The following GGA2 variants were observed in gnomAD, a reference collection of about 807,000 sequenced individuals.
GGA2 encodes ADP-ribosylation factor-binding protein GGA2.
A neutral mutation model predicts 79.5 loss-of-function variants in GGA2; 48 were observed. The observed-to-expected ratio is 0.60, with a 90% CI of 0.48 to 0.77. The LOEUF (loss-of-function observed/expected upper bound fraction) is 0.77, where lower values mean the gene tolerates loss of function less well. GGA2 is among the 30% of genes least tolerant of loss of function. The probability of loss-of-function intolerance (pLI) is 0.00; values close to 1 mark genes in which losing one functional copy is unlikely to be tolerated. For missense variants in GGA2, 770 were observed against 774.0 expected (o/e 0.99, Z 0.06); for synonymous variants, 317 against 302.0 (o/e 1.05, Z -0.51).
intron 1 of GGA2, among the ~76,000 whole-genome samples, chr16:23,507,905 A>C (rs1188641864): frequency 6.6e-6 from 1 of 152,108 alleles, no homozygotes; most frequent in African/African-American, 2.4e-5. Flanking sequence ...AGCTGCAGTG[A>C]GCTGAGATCA....
chr16:23,475,739 A>G (rs927493915), intron 13 of GGA2, among the ~76,000 whole-genome samples: 1 of 151,098 alleles, frequency 6.6e-6, no homozygotes, highest in Non-Finnish European at 1.5e-5. Context: ...CCCCATCTCT[A>G]CTAAAAATAC....
At chr16:23,495,189 A>G (rs1055654534) in intron 2 of GGA2, among the ~76,000 whole-genome samples, 9 of 152,254 alleles carry the variant, frequency 5.9e-5, no homozygotes, top group Admixed American at 5.9e-4. Flanking sequence ...ACAGAATTCA[A>G]TAAAACCTTC....
intron 1 of GGA2, among the ~76,000 whole-genome samples, chr16:23,520,680 C>T (rs1965134689): frequency 6.6e-6 from 1 of 151,128 alleles, no homozygotes; most frequent in South Asian, 2.1e-4. Flanking sequence ...AAAAGTCTTA[C>T]TGATCCTGAG....
intron 2 of GGA2, among the ~76,000 whole-genome samples, chr16:23,517,238 T>G: frequency 2.3e-4 from 1 of 4,354 alleles, no homozygotes; most frequent in Non-Finnish European, 6.5e-4. Context: ...TTTCTTTTTT[T>G]TTTTTTTTTG....
In GGA2 at chr16:23,488,344, G is replaced by T. The variant is rs148204259; in HGVS notation, c.579+262C>A. Among the ~76,000 whole-genome samples the T allele has an allele frequency of 3.0e-3, 464 of 152,250 alleles. 6 individuals carry two copies. Among genetic ancestry groups the T allele is most frequent in the Middle Eastern group, 0.01 (3 of 294 alleles). ...CCAGATCTACACTGGGGTAAGGCAG[G>T]ATCACAAACAGATCCTACCAAGACC... is the stretch of plus-strand genomic sequence containing the variant. On this transcript the variant is annotated intron_variant, in intron 6 of 16. Coordinates refer to ENST00000309859, the MANE Select transcript of GGA2 (RefSeq NM_015044.4).
rs1964460221 is a variant in GGA2, at chr16:23,467,755, G to A, written c.1732-55C>T. ...TCAGTGGAGAGCAACCCAGGAACAG[G>A]GGTCAATGTTAAGTCAAGTGAGTGT... On this transcript the variant is annotated intron_variant, in intron 16 of 16. Transcript: ENST00000309859. The A allele has an allele frequency of 3.4e-5, 29 of 852,398 alleles. 1 individual carries two copies. The South Asian group carries it at 3.6e-4, about 11-fold the overall frequency. The allele number at this position is 852,398 out of a possible 1,614,324, so 52.8% of individuals were successfully genotyped here. A position where few individuals can be genotyped will look rare whatever the true frequency, so the allele number is the denominator to read the frequency against.
At chr16:23,477,108 C>T (rs1000293426) in intron 13 of GGA2, among the ~76,000 whole-genome samples, 9 of 152,120 alleles carry the variant, frequency 5.9e-5, no homozygotes, top group South Asian at 4.1e-4. Context: ...TGACCTACCA[C>T]GCCTGGCTAA....
At chr16:23,516,416 C>T (rs926127485) in intron 2 of GGA2, among the ~76,000 whole-genome samples, 2 of 152,130 alleles carry the variant, frequency 1.3e-5, no homozygotes, top group African/African-American at 4.8e-5. Context: ...AACCTAGGCC[C>T]TTAGAGGCTG....
rs1292403143 is a variant in GGA2 at position 23,465,520 on chromosome 16, T to C, written c.*2070A>G. 3.0e-6 allele frequency: 2 copies of C among 665,234 alleles called. No homozygotes were observed. Among genetic ancestry groups the C allele is most frequent in the Non-Finnish European group, 5.5e-6 (2 of 366,440 alleles). 41.2% of individuals were successfully genotyped at this position (665,234 alleles called of 1,614,324 possible). ...CATGTGTGAGTTCACCTCCTAACTA[T>C]AGGGGAGAAAGCCTGTCTTTATGTA... On this transcript the variant is annotated 3_prime_UTR_variant, in exon 17 of 17. Transcript: ENST00000309859.
At position 23,465,083 on chromosome 16, in the gene GGA2, A is replaced by C. The variant is rs140903086; in HGVS notation, c.*2507T>G. On this transcript the variant is annotated 3_prime_UTR_variant, in exon 17 of 17. Coordinates refer to ENST00000309859, the MANE Select transcript of GGA2 (RefSeq NM_015044.4). Reference sequence around the variant, plus strand: ...CAGATCTCCAGCACACACATCATGAATTTGCTTCTCCCCAGAGGAAAAGAA... The same window carrying C: ...CAGATCTCCAGCACACACATCATGACTTTGCTTCTCCCCAGAGGAAAAGAA... The C allele has an allele frequency of 1.1e-3, 622 of 550,556 alleles. 1 individual carries two copies. Among genetic ancestry groups the C allele is most frequent in the African/African-American group, 0.01 (554 of 53,130 alleles). 34.1% of individuals were successfully genotyped at this position (550,556 alleles called of 1,614,324 possible). A position where few individuals can be genotyped will look rare whatever the true frequency, so the allele number is the denominator to read the frequency against.
chr16:23,494,958 G>A (rs1307770425), intron 2 of GGA2, among the ~76,000 whole-genome samples: 3 of 151,904 alleles, frequency 2.0e-5, no homozygotes, highest in Non-Finnish European at 4.4e-5. Flanking sequence ...GGAGGCACGC[G>A]CCTGTAATCC....
rs140675835 is a variant in GGA2 at position 23,478,886 on chromosome 16, G to T, written c.1155C>A (p.Gly385=). 51 of 1,603,768 alleles carry T rather than the reference G, an allele frequency of 3.2e-5. 1 individual carries two copies. The highest frequency in any genetic ancestry group is 2.0e-4 in the East Asian group (9 of 44,838). ...ALGISDAPVT[G]MVSGQNCCEE... ...GCCCTGGGAAGGGCATCCTTACCAT[G>T]CCTGTAACAGGAGCATCACTGATTC... The change falls in exon 12 of 17, where the codon GGC becomes GGA. Residue 385 remains glycine, a synonymous_variant. Transcript: ENST00000309859.
At chr16:23,490,847 A>G (rs1023016467) in intron 5 of GGA2, among the ~76,000 whole-genome samples, 3 of 152,176 alleles carry the variant, frequency 2.0e-5, no homozygotes, top group African/African-American at 7.2e-5. Flanking sequence ...TTTTATCACA[A>G]TAGTATTTTT....
At chr16:23,497,928 G>A (rs1162887300) in intron 1 of GGA2, among the ~76,000 whole-genome samples, 1 of 152,198 alleles carries the variant, frequency 6.6e-6, no homozygotes, top group African/African-American at 2.4e-5. Context: ...GAGCCTAGGA[G>A]GTTGAGACCA....
chr16:23,491,306 C>CA (rs35347154), intron 5 of GGA2, among the ~76,000 whole-genome samples: 27,209 of 65,572 alleles, frequency 0.41, 5,443 homozygotes, highest in Non-Finnish European at 0.52. Flanking sequence ...CACCTTGTCT[C>CA]AAAAAAAAAA....
In GGA2 at chr16:23,510,387, C is replaced by A; in HGVS notation, c.25G>T (p.Ala9Ser). The A allele has an allele frequency of 7.1e-7, 1 of 1,398,990 alleles. No individual in the cohort carries two copies. The highest frequency in any genetic ancestry group is 9.3e-7 in the Non-Finnish European group (1 of 1,074,086). The allele number at this position is 1,398,990 out of a possible 1,614,324, so 86.7% of individuals were successfully genotyped here. A position where few individuals can be genotyped will look rare whatever the true frequency, so the allele number is the denominator to read the frequency against. MAATAVAA[A>S]VAGTESAQGP... ...TGGGCCGACTCGGTTCCCGCCACAG[C>A]CGCCGCCACCGCGGTCGCCGCCATC... The change falls in exon 1 of 17, where the codon GCT becomes TCT. Residue 9 changes from alanine to serine, a missense_variant. Ala to Ser is a moderately conservative substitution (Grantham distance 99). Coordinates refer to ENST00000309859, the MANE Select transcript of GGA2 (RefSeq NM_015044.4).
At chr16:23,478,546 C>T (rs972918386) in intron 12 of GGA2, 45 bp from the exon 13 acceptor site, 2 of 1,589,914 alleles carry the variant, frequency 1.3e-6, no homozygotes, top group African/African-American at 1.3e-5. Flanking sequence ...GTATGAATGA[C>T]CATCAGCCAC....
At chr16:23,503,929 A>C (rs1037979763) in intron 1 of GGA2, among the ~76,000 whole-genome samples, 1 of 152,178 alleles carries the variant, frequency 6.6e-6, no homozygotes, top group Non-Finnish European at 1.5e-5. Flanking sequence ...TAAAAATACA[A>C]AATTAGCCAG....
rs111294282 is a variant in GGA2 at position 23,482,922 on chromosome 16, C to A, written c.880+1G>T. 2 of 1,591,068 alleles carry A rather than the reference C, an allele frequency of 1.3e-6. No individual in the cohort carries two copies. The highest frequency in any genetic ancestry group is 1.7e-6 in the Non-Finnish European group (2 of 1,159,086). ...GCTACACCCAAGGAAAGAAAACTTA[C>A]CGAGTGCATCATCGTCATCAGTGGT... On this transcript the variant is annotated splice_donor_variant, in intron 9 of 16. Coordinates refer to ENST00000309859, the MANE Select transcript of GGA2 (RefSeq NM_015044.4). LOFTEE classifies it high-confidence loss of function.
Sources: gnomAD v4.1 joint callset for allele counts (sites outside exome capture counted in the v4.1 genomes callset) on GRCh38, gnomAD v4.1.1 for gene constraint, MANE v1.5 for transcripts, NCBI Gene and HGNC (gene_info 2026-07-23, HGNC 2026-07-21) for gene names.